Variants in ARHGEF28 observed in about 807,000 individuals in gnomAD.
ARHGEF28 encodes the protein Rho guanine nucleotide exchange factor 28.
Under a neutral mutation model 206.6 loss-of-function variants are expected in ARHGEF28, and 152 were observed. The observed-to-expected ratio is 0.74, with a 90% confidence interval of 0.64 to 0.84. The LOEUF (loss-of-function observed/expected upper bound fraction) is 0.84. ARHGEF28 is among the 40% of genes least tolerant of loss of function. The pLI is 0.00. For missense variants in ARHGEF28, 2,028 were observed against 2,073.2 expected (o/e 0.98, Z 0.42); for synonymous variants, 763 against 776.4 (o/e 0.98, Z 0.29).
intron 2 of ARHGEF28, among the ~76,000 whole-genome samples, chr5:73,743,552 T>C (rs1751554101): frequency 6.6e-6 from 1 of 152,266 alleles, no homozygotes; most frequent in African/African-American, 2.4e-5. Context: ...ATTCTGATAT[T>C]TCCCCCTGGA....
chr5:73,854,012 C>T (rs553873121), intron 14 of ARHGEF28, among the ~76,000 whole-genome samples: 3 of 152,192 alleles, frequency 2.0e-5, no homozygotes, highest in Admixed American at 6.5e-5. Flanking sequence ...TCTGGTTCTT[C>T]GTTCTCTGTC....
At chr5:73,898,302 T>A in intron 30 of ARHGEF28, 1 of 496,498 alleles carries the variant, frequency 2.0e-6, no homozygotes, top group Non-Finnish European at 3.3e-6. Flanking sequence ...TATGAGGATC[T>A]AAAGAGTAGT....
At chr5:73,682,810 A>G (rs1028111477) in intron 1 of ARHGEF28, among the ~76,000 whole-genome samples, 7 of 152,202 alleles carry the variant, frequency 4.6e-5, no homozygotes, top group African/African-American at 1.7e-4. Context: ...CGGGAGGCTA[A>G]GGCACAAGAA....
At position 73,872,884 on chromosome 5, in the gene ARHGEF28, C is replaced by T. The variant is rs988707938; in HGVS notation, c.2567-115C>T. 6.6e-6 allele frequency: 8 copies of T among 1,205,144 alleles called. No homozygotes were observed. In the East Asian group the frequency reaches 7.6e-5, roughly 11 times the overall value. The allele number at this position is 1,205,144 out of a possible 1,614,324, so 74.7% of individuals were successfully genotyped here. On this transcript the variant is annotated intron_variant, in intron 21 of 35. Transcript: ENST00000513042. ...TTATATTGGAATATTCTTGATATTCCTAAACATTTCTTTTTTATTTGCGTA... is the reference window on the plus strand; with the variant it reads ...TTATATTGGAATATTCTTGATATTCTTAAACATTTCTTTTTTATTTGCGTA...
At chr5:73,872,853 T>G in intron 21 of ARHGEF28, 146 bp from the exon 22 acceptor site, 1 of 995,972 alleles carries the variant, frequency 1.0e-6, no homozygotes, top group East Asian at 2.6e-5. Flanking sequence ...TGTTTAATGT[T>G]GACTTTTATA....
intron 2 of ARHGEF28, among the ~76,000 whole-genome samples, chr5:73,730,175 T>C: frequency 6.6e-6 from 1 of 152,352 alleles, no homozygotes; most frequent in East Asian, 1.9e-4. Context: ...TATAAATTTA[T>C]AAAATGAATT....
intron 2 of ARHGEF28, among the ~76,000 whole-genome samples, chr5:73,695,080 T>C (rs1392011525): frequency 6.6e-6 from 1 of 152,108 alleles, no homozygotes; most frequent in African/African-American, 2.4e-5. Context: ...ACGAAGGCCC[T>C]GGAGTGGAAA....
chr5:73,926,946 C>A (rs529969116), intron 35 of ARHGEF28, among the ~76,000 whole-genome samples: 6 of 152,212 alleles, frequency 3.9e-5, no homozygotes, highest in Non-Finnish European at 8.8e-5. Context: ...ATGATCCTTG[C>A]TCTTGATGGC....
chr5:73,911,358 C>T lies in ARHGEF28; in HGVS notation c.4731C>T (p.Asn1577=). Residue 1577 remains asparagine (N), a synonymous_variant, in exon 35 of 36, where the codon AAC becomes AAT. Transcript: ENST00000513042. ...AAGCTTTAGTACAAATGTCATTTAA[C>T]ACTTTCAACAAACTGAATCCATCAG... is the stretch of plus-strand genomic sequence containing the variant. The part of the protein sequence containing the change: ...INEALVQMSF[N]TFNKLNPSVI... 2 of 1,613,642 alleles carry T rather than the reference C, an allele frequency of 1.2e-6. No homozygotes were observed. Among genetic ancestry groups the T allele is most frequent in the African/African-American group, 1.3e-5 (1 of 75,036 alleles).
At chr5:73,901,004 C>T in intron 30 of ARHGEF28, 180 bp from the exon 31 acceptor site, 1 of 526,506 alleles carries the variant, frequency 1.9e-6, no homozygotes, top group Admixed American at 3.1e-5. Flanking sequence ...CCCATGTGGG[C>T]AGGGACCACA....
At chr5:73,638,507 A>G (rs949208834) in intron 1 of ARHGEF28, among the ~76,000 whole-genome samples, 4 of 152,218 alleles carry the variant, frequency 2.6e-5, no homozygotes, top group African/African-American at 9.6e-5. Context: ...AGGGCCAAGT[A>G]TCCTACAACT....
intron 2 of ARHGEF28, among the ~76,000 whole-genome samples, chr5:73,720,534 G>A (rs1233252714): frequency 3.3e-5 from 5 of 152,144 alleles, no homozygotes; most frequent in Non-Finnish European, 5.9e-5. Context: ...AGTGTGGCGG[G>A]TTAGAAGGGA....
chr5:73,717,950 C>T (rs1749691834), intron 2 of ARHGEF28, among the ~76,000 whole-genome samples: 1 of 152,150 alleles, frequency 6.6e-6, no homozygotes, highest in Non-Finnish European at 1.5e-5. Flanking sequence ...ATCATCTTAG[C>T]TCACTGCAAT....
intron 2 of ARHGEF28, among the ~76,000 whole-genome samples, chr5:73,697,568 A>T (rs1464115042): frequency 6.6e-6 from 1 of 152,144 alleles, no homozygotes; most frequent in Non-Finnish European, 1.5e-5. Context: ...ACGATAGCTC[A>T]GGTCTCTCTC....
intron 1 of ARHGEF28, among the ~76,000 whole-genome samples, chr5:73,637,368 A>AT (rs1337282606): frequency 1.3e-5 from 2 of 151,946 alleles, no homozygotes; most frequent in African/African-American, 2.4e-5. Flanking sequence ...TAGTCTCACA[A>AT]TTTTTTTCCT....
chr5:73,794,270 GA>G, intron 7 of ARHGEF28, 131 bp from the exon 8 acceptor site: 1 of 649,176 alleles, frequency 1.5e-6, no homozygotes, highest in Non-Finnish European at 2.6e-6. Context: ...TGATTTTTAA[GA>G]GGCCTAATCT....
chr5:73,752,682 G>A (rs1283277224), intron 3 of ARHGEF28, among the ~76,000 whole-genome samples: 2 of 152,080 alleles, frequency 1.3e-5, no homozygotes, highest in Non-Finnish European at 2.9e-5. Context: ...TTCAGAGCTC[G>A]TAAAGGTAAG....
rs1324574761 is a variant in ARHGEF28, at chr5:73,760,136, A to C, written c.475+6934A>C. On this transcript the variant is annotated intron_variant, in intron 4 of 35. Transcript: ENST00000513042. The stretch of plus-strand genomic sequence containing the variant: ...CCAGAGAAGGGCAAACTGATTTATA[A>C]GACTTACTTGCTGGCCCACAGATGA... Among the ~76,000 whole-genome samples the C allele has an allele frequency of 2.6e-5, 4 of 152,198 alleles. No homozygotes were observed. The East Asian group carries it at 7.7e-4, about 29-fold the overall frequency.
intron 1 of ARHGEF28, among the ~76,000 whole-genome samples, chr5:73,626,935 G>T (rs1743049925): frequency 6.6e-6 from 1 of 152,198 alleles, no homozygotes; most frequent in Non-Finnish European, 1.5e-5. Context: ...TACCCGGGGT[G>T]TATGTGGTGG....
Sources: gnomAD v4.1 joint callset for allele counts (sites outside exome capture counted in the v4.1 genomes callset) on GRCh38, gnomAD v4.1.1 for gene constraint, MANE v1.5 for transcripts, NCBI Gene and HGNC (gene_info 2026-07-23, HGNC 2026-07-21) for gene names.